The following CADPS variants were observed in gnomAD, a reference collection of about 807,000 sequenced individuals.
The protein encoded by CADPS is calcium-dependent secretion activator 1.
In CADPS, 57 loss-of-function variants were observed where a neutral mutation model predicts 167.3. That is an observed-to-expected ratio of 0.34 (90% confidence interval 0.28 to 0.42). The LOEUF is 0.42. Among genes scored for constraint, CADPS ranks in the 20% least tolerant of loss-of-function variants. The pLI is 1.00. For missense variants in CADPS, 1,414 were observed against 1,738.1 expected (o/e 0.81, Z 3.32); for synonymous variants, 676 against 635.3 (o/e 1.06, Z -0.96).
At chr3:62,695,731 C>T (rs940509140) in intron 3 of CADPS, among the ~76,000 whole-genome samples, 4 of 152,050 alleles carry the variant, frequency 2.6e-5, no homozygotes, top group Admixed American at 6.6e-5. Context: ...AATGCAGTGG[C>T]ATGATCATGG....
At chr3:62,747,908 G>T (rs964608896) in intron 3 of CADPS, among the ~76,000 whole-genome samples, 1 of 152,020 alleles carries the variant, frequency 6.6e-6, no homozygotes, top group South Asian at 2.1e-4. Flanking sequence ...ACCAGAAATG[G>T]CATTTTCAAA....
At position 62,874,343 on chromosome 3, in the gene CADPS, C is replaced by A. The variant is rs1453663971; in HGVS notation, c.441+246G>T. On this transcript the variant is annotated intron_variant, in intron 1 of 29. Transcript: ENST00000383710. This position sits in a 1 kb window ranked among gnomAD's most constrained non-coding sequence, Gnocchi z 7.1. The stretch of plus-strand genomic sequence containing the variant: ...CCAACGCTCCCGGGCTGGGGGGGCT[C>A]GAGCAAGCGGCGCTGCGCTCCGCGG... Among the ~76,000 whole-genome samples the A allele has an allele frequency of 3.3e-5, 5 of 152,158 alleles. No individual in the cohort carries two copies. The highest frequency in any genetic ancestry group is 2.0e-4 in the Admixed American group (3 of 15,284).
At chr3:62,632,190 AC>A (rs1162459068) in intron 6 of CADPS, among the ~76,000 whole-genome samples, 1 of 152,176 alleles carries the variant, frequency 6.6e-6, no homozygotes, top group Non-Finnish European at 1.5e-5. Context: ...ATGGGTGTGG[AC>A]ACACCCACAG....
At chr3:62,486,280 C>T (rs1035629530) in intron 21 of CADPS, among the ~76,000 whole-genome samples, 2 of 151,830 alleles carry the variant, frequency 1.3e-5, no homozygotes, top group Admixed American at 1.3e-4. Context: ...CCCTGCCCCA[C>T]TAAAAACACA....
intron 6 of CADPS, among the ~76,000 whole-genome samples, chr3:62,634,914 C>A (rs1235093245): frequency 4.6e-5 from 7 of 152,158 alleles, no homozygotes; most frequent in Admixed American, 4.6e-4. Context: ...GAAGGGCTGA[C>A]CAAATGAACC....
intron 1 of CADPS, among the ~76,000 whole-genome samples, chr3:62,850,975 A>G (rs1391654324): frequency 6.7e-6 from 1 of 149,382 alleles, no homozygotes; most frequent in Non-Finnish European, 1.5e-5. Flanking sequence ...GGGTGCATAT[A>G]TATTTAGGAT....
At chr3:62,591,124 C>T (rs577401619) in intron 7 of CADPS, among the ~76,000 whole-genome samples, 2 of 152,266 alleles carry the variant, frequency 1.3e-5, no homozygotes, top group East Asian at 1.9e-4. Flanking sequence ...TCCTAATGTG[C>T]TGGGGTTACA....
chr3:62,406,286 A>C (rs930926207), intron 28 of CADPS, among the ~76,000 whole-genome samples: 1 of 152,188 alleles, frequency 6.6e-6, no homozygotes. Context: ...CCAGTCATTA[A>C]ACATTTATCA....
chr3:62,500,861 T>G (rs1237374711), intron 17 of CADPS, among the ~76,000 whole-genome samples: 3 of 152,136 alleles, frequency 2.0e-5, no homozygotes, highest in Non-Finnish European at 2.9e-5. Context: ...AATGAACATA[T>G]CAGGTCATTA....
chr3:62,652,831 G>A (rs187269572), intron 4 of CADPS, among the ~76,000 whole-genome samples: 2 of 152,208 alleles, frequency 1.3e-5, no homozygotes, highest in East Asian at 3.9e-4. Flanking sequence ...CTGTAATTTT[G>A]TTCCTTAAGA....
chr3:62,494,191 G>A (rs574868486), intron 18 of CADPS, among the ~76,000 whole-genome samples: 9 of 152,144 alleles, frequency 5.9e-5, no homozygotes, highest in Non-Finnish European at 1.0e-4. Context: ...GGTCTGAACC[G>A]ATGAGGTTTT....
At chr3:62,548,530 C>T (rs1312063252) in intron 11 of CADPS, among the ~76,000 whole-genome samples, 1 of 152,206 alleles carries the variant, frequency 6.6e-6, no homozygotes, top group East Asian at 1.9e-4. Context: ...AGTTGTATTT[C>T]CTGATCAACA....
At chr3:62,845,070 G>C (rs1019349759) in intron 1 of CADPS, among the ~76,000 whole-genome samples, 4 of 152,140 alleles carry the variant, frequency 2.6e-5, no homozygotes, top group African/African-American at 9.7e-5. Context: ...AGCTCCACTG[G>C]ACACAGGATG....
intron 16 of CADPS, among the ~76,000 whole-genome samples, chr3:62,515,117 G>C (rs2068671244): frequency 6.6e-6 from 1 of 152,052 alleles, no homozygotes; most frequent in Non-Finnish European, 1.5e-5. Flanking sequence ...GTAAGTGATG[G>C]GGTCTGAGTG....
intron 6 of CADPS, among the ~76,000 whole-genome samples, chr3:62,633,723 T>A (rs2065739481): frequency 6.6e-6 from 1 of 152,104 alleles, no homozygotes; most frequent in South Asian, 2.1e-4. Flanking sequence ...CCACCCTACA[T>A]CTTTGCTTCA....
At chr3:62,693,784 T>TAA (rs67971671) in intron 3 of CADPS, among the ~76,000 whole-genome samples, 74,839 of 144,370 alleles carry the variant, frequency 0.52, 20,197 homozygotes, top group East Asian at 0.84. Flanking sequence ...GACTCCATCT[T>TAA]AAAAAAAAAA....
At chr3:62,801,727 C>T (rs947641193) in intron 1 of CADPS, among the ~76,000 whole-genome samples, 1 of 152,036 alleles carries the variant, frequency 6.6e-6, no homozygotes, top group African/African-American at 2.4e-5. Flanking sequence ...ACCTGTGAAG[C>T]AGGTGTCATT....
At chr3:62,795,570 T>G (rs1391258502) in intron 1 of CADPS, among the ~76,000 whole-genome samples, 4 of 152,182 alleles carry the variant, frequency 2.6e-5, no homozygotes, top group Non-Finnish European at 4.4e-5. Context: ...TTTACCAACT[T>G]TCTGTTTCAG....
intron 6 of CADPS, among the ~76,000 whole-genome samples, chr3:62,633,062 T>A (rs1204857564): frequency 2.0e-5 from 3 of 151,900 alleles, no homozygotes; most frequent in Non-Finnish European, 4.4e-5. Flanking sequence ...CAGAGCAGCA[T>A]CTGGTGGTAA....
Sources: allele counts gnomAD v4.1 joint callset (sites outside exome capture counted in the v4.1 genomes callset), GRCh38; gene constraint gnomAD v4.1.1; non-coding constraint Gnocchi (gnomAD v3.1); transcripts MANE v1.5; gene names NCBI Gene and HGNC (gene_info 2026-07-23, HGNC 2026-07-21).